CEP112: variants seen among roughly 807,000 people sequenced by gnomAD.
CEP112 encodes the protein centrosomal protein 112.
Under a neutral mutation model 153.0 loss-of-function variants are expected in CEP112, and 127 were observed. That is an observed-to-expected ratio of 0.83 (90% CI 0.72 to 0.96). The LOEUF (loss-of-function observed/expected upper bound fraction) is 0.96. Ranked by LOEUF, CEP112 falls within the 40% of genes least tolerant of loss-of-function variation. The pLI, the probability that CEP112 is intolerant of heterozygous loss-of-function variation, is 0.00. For missense variants in CEP112, 1,089 were observed against 1,101.2 expected (o/e 0.99, Z 0.16); for synonymous variants, 358 against 374.4 (o/e 0.96, Z 0.51).
intron 23 of CEP112, among the ~76,000 whole-genome samples, chr17:65,691,044 G>A (rs1212090264): frequency 6.6e-6 from 1 of 152,112 alleles, no homozygotes; most frequent in East Asian, 1.9e-4. Context: ...TCAGGTCCAG[G>A]TATGAAATAG....
intron 18 of CEP112, among the ~76,000 whole-genome samples, chr17:65,928,657 G>C (rs1328076266): frequency 6.6e-6 from 1 of 152,128 alleles, no homozygotes; most frequent in Non-Finnish European, 1.5e-5. Context: ...GAGCCCAGGA[G>C]TCGGAGACCA....
intron 20 of CEP112, among the ~76,000 whole-genome samples, chr17:65,862,282 C>T (rs2058334400): frequency 6.6e-6 from 1 of 152,122 alleles, no homozygotes; most frequent in African/African-American, 2.4e-5. Context: ...GTACAGGCAG[C>T]AATTTTAATA....
At chr17:65,766,521 A>T (rs1430848242) in intron 21 of CEP112, among the ~76,000 whole-genome samples, 1 of 152,132 alleles carries the variant, frequency 6.6e-6, no homozygotes, top group Non-Finnish European at 1.5e-5. Flanking sequence ...ACAGCATAGC[A>T]GTAGTAAGTC....
At chr17:66,173,677 T>C (rs4791083) in intron 4 of CEP112, among the ~76,000 whole-genome samples, 57,823 of 152,064 alleles carry the variant, frequency 0.38, 11,750 homozygotes, top group Non-Finnish European at 0.46. Flanking sequence ...AATCTCTTTA[T>C]ACCTCCATAT....
At chr17:66,000,560 C>T (rs1436845735) in intron 17 of CEP112, among the ~76,000 whole-genome samples, 2 of 151,438 alleles carry the variant, frequency 1.3e-5, no homozygotes, top group Non-Finnish European at 2.9e-5. Flanking sequence ...TGGTACAACA[C>T]AAACTTCTCC....
intron 21 of CEP112, among the ~76,000 whole-genome samples, chr17:65,791,336 T>C (rs1479049939): frequency 1.3e-5 from 2 of 152,182 alleles, no homozygotes; most frequent in East Asian, 3.8e-4. Flanking sequence ...AGAAAAACGC[T>C]TTTGAGCTTT....
At chr17:65,648,774 G>C (rs2045577096) in intron 24 of CEP112, among the ~76,000 whole-genome samples, 2 of 152,190 alleles carry the variant, frequency 1.3e-5, no homozygotes, top group African/African-American at 4.8e-5. Flanking sequence ...ACATTGACCG[G>C]GTGGACTGGC....
chr17:65,707,000 A>G (rs2048950501), intron 23 of CEP112, among the ~76,000 whole-genome samples: 1 of 152,088 alleles, frequency 6.6e-6, no homozygotes, highest in Admixed American at 6.5e-5. Flanking sequence ...TTCCCTCCCA[A>G]AGACTCCTGT....
At chr17:66,183,616 T>C (rs1485815049) in intron 1 of CEP112, among the ~76,000 whole-genome samples, 1 of 152,148 alleles carries the variant, frequency 6.6e-6, no homozygotes, top group African/African-American at 2.4e-5. Flanking sequence ...ACAATTGGTA[T>C]TGGTGAAAGG....
chr17:65,745,190 T>A (rs1424873138), intron 22 of CEP112, among the ~76,000 whole-genome samples: 2 of 152,198 alleles, frequency 1.3e-5, no homozygotes, highest in Admixed American at 6.5e-5. Context: ...CACTTGGAAT[T>A]TGTCAATAAT....
chr17:65,969,382 T>C (rs2062545855), intron 17 of CEP112, among the ~76,000 whole-genome samples: 1 of 152,202 alleles, frequency 6.6e-6, no homozygotes, highest in Non-Finnish European at 1.5e-5. Flanking sequence ...TACATGTACA[T>C]TGCATAATAC....
intron 24 of CEP112, among the ~76,000 whole-genome samples, chr17:65,681,221 G>A (rs1173776031): frequency 1.3e-5 from 2 of 152,278 alleles, no homozygotes; most frequent in East Asian, 1.9e-4. Flanking sequence ...ATAATGTCTA[G>A]TAGGAAATTC....
At chr17:65,652,272 G>A (rs947649699) in intron 24 of CEP112, among the ~76,000 whole-genome samples, 1 of 152,088 alleles carries the variant, frequency 6.6e-6, no homozygotes, top group East Asian at 1.9e-4. Context: ...GGTATCTGGA[G>A]TTGGGTCTGA....
intron 4 of CEP112, among the ~76,000 whole-genome samples, chr17:66,148,555 T>C (rs898109025): frequency 6.6e-6 from 1 of 152,228 alleles, no homozygotes; most frequent in African/African-American, 2.4e-5. Flanking sequence ...TAGTTCTCAG[T>C]GTACAAGTCC....
chr17:66,060,693 G>A lies in CEP112; in HGVS notation c.1074+2270C>T, dbSNP rs9916321. Among the ~76,000 whole-genome samples the A allele has an allele frequency of 6.5e-3, 984 of 152,140 alleles. 12 individuals carry two copies. Among genetic ancestry groups the A allele is most frequent in the African/African-American group, 0.023 (937 of 41,498 alleles). ...TTTAATAAATGGTGCTGGGGAAACTGGATATCCACATGCAGAACAATGAAA... is the reference window on the plus strand; with the variant it reads ...TTTAATAAATGGTGCTGGGGAAACTAGATATCCACATGCAGAACAATGAAA... On this transcript the variant is annotated intron_variant, in intron 11 of 26. Coordinates refer to ENST00000535342, the MANE Select transcript of CEP112 (RefSeq NM_001199165.4).
intron 21 of CEP112, among the ~76,000 whole-genome samples, chr17:65,787,391 G>A (rs1357783274): frequency 6.6e-6 from 1 of 152,178 alleles, no homozygotes; most frequent in Non-Finnish European, 1.5e-5. Context: ...GCTAAGGTGG[G>A]AAGATCACTT....
intron 24 of CEP112, among the ~76,000 whole-genome samples, chr17:65,685,135 GTGC>G (rs2047718028): frequency 6.6e-6 from 1 of 152,194 alleles, no homozygotes; most frequent in African/African-American, 2.4e-5. Flanking sequence ...GGGACTCTGT[GTGC>G]TGATCTGTCC....
chr17:65,936,076 A>C (rs2061295774), intron 18 of CEP112, among the ~76,000 whole-genome samples: 1 of 152,184 alleles, frequency 6.6e-6, no homozygotes. Context: ...TAAAATCGAT[A>C]ATATAGAAAC....
intron 18 of CEP112, among the ~76,000 whole-genome samples, chr17:65,938,414 T>TTAA (rs1441454566): frequency 5.7e-5 from 3 of 52,902 alleles, no homozygotes; most frequent in Non-Finnish European, 1.2e-4. Flanking sequence ...GAATGATCAA[T>TTAA]AAAAAAAAAA....
Sources: gnomAD v4.1 joint callset for allele counts (sites outside exome capture counted in the v4.1 genomes callset) on GRCh38, gnomAD v4.1.1 for gene constraint, MANE v1.5 for transcripts, NCBI Gene and HGNC (gene_info 2026-07-23, HGNC 2026-07-21) for gene names.